Variants in ATP9A observed in about 807,000 individuals in gnomAD.
ATP9A encodes the protein ATPase phospholipid transporting 9A, also known as probable phospholipid-transporting ATPase IIA.
ATP9A carries 52 observed loss-of-function variants against 144.1 expected under a neutral mutation model. That is an observed-to-expected ratio of 0.36 (90% CI 0.29 to 0.45). The LOEUF is 0.45. Ranked by LOEUF, ATP9A falls within the 20% of genes least tolerant of loss-of-function variation. ATP9A has a pLI of 1.00. For missense variants in ATP9A, 947 were observed against 1,392.7 expected (o/e 0.68, Z 5.09); for synonymous variants, 582 against 557.4 (o/e 1.04, Z -0.62).
At position 51,712,978 on chromosome 20, in the gene ATP9A, G is replaced by T; in HGVS notation, c.424C>A (p.Leu142Ile). 6.2e-7 allele frequency: 1 copy of T among 1,610,934 alleles called. No homozygotes were observed. The highest frequency in any genetic ancestry group is 2.2e-5 in the East Asian group (1 of 44,726). The change falls in exon 4 of 28, where the codon CTC (leucine) becomes ATC (isoleucine). Residue 142 changes from leucine to isoleucine, a missense_variant. Coordinates refer to ENST00000338821, the MANE Select transcript of ATP9A (RefSeq NM_006045.3). ...CCAGAAGGCTGACCTCGTGCTGTGA[G>T]CCGGCTGTAGACCTGGGAGTTGACT... ...KEVNSQVYSR[L>I]TARGTVKVKS...
chr20:51,694,423 G>C (rs934078182), intron 6 of ATP9A, among the ~76,000 whole-genome samples: 1 of 152,182 alleles, frequency 6.6e-6, no homozygotes, highest in African/African-American at 2.4e-5. Context: ...GAGATAGAAC[G>C]GGGACGAGCA....
At chr20:51,750,839 A>C (rs1335026328) in intron 1 of ATP9A, among the ~76,000 whole-genome samples, 1 of 152,084 alleles carries the variant, frequency 6.6e-6, no homozygotes, top group Non-Finnish European at 1.5e-5. Flanking sequence ...CTAGGGAGGA[A>C]TCCAAATGGC....
chr20:51,724,396 T>C (rs549849628), intron 3 of ATP9A, among the ~76,000 whole-genome samples: 2 of 152,152 alleles, frequency 1.3e-5, no homozygotes, highest in African/African-American at 4.8e-5. Flanking sequence ...TGCAGGGCCT[T>C]TGCATCACTG....
intron 1 of ATP9A, among the ~76,000 whole-genome samples, chr20:51,737,105 C>G (rs2426398): frequency 0.98 from 148,654 of 152,182 alleles, 72,630 homozygotes; most frequent in East Asian, 1. Flanking sequence ...CTCCTACTAA[C>G]GGGTAGAAGC....
At chr20:51,701,049 T>TCCTTCACCTGAGCTTGCCCCAACTTTC (rs1568826957) in intron 4 of ATP9A, among the ~76,000 whole-genome samples, 1 of 152,166 alleles carries the variant, frequency 6.6e-6, no homozygotes, top group African/African-American at 2.4e-5. Context: ...AATGAACTTT[T>TCCTTCACCTGAGCTTGCCCCAACTTTC]CCTTCACCTG....
chr20:51,741,034 T>TTTAATTAATTAAAAATAAATTTTAA (rs148503718), intron 1 of ATP9A, among the ~76,000 whole-genome samples: 30,693 of 148,236 alleles, frequency 0.21, 3,773 homozygotes, highest in East Asian at 0.42. Context: ...TAAATTTTAA[T>TTTAATTAATTAAAAATAAATTTTAA]TTAATTAATT....
At chr20:51,674,398 A>AG in intron 10 of ATP9A, 85 bp from the exon 11 acceptor site, 1 of 1,439,258 alleles carries the variant, frequency 6.9e-7, no homozygotes, top group Non-Finnish European at 9.5e-7. Flanking sequence ...GGCTGCAGTG[A>AG]GCTGAGCCTC....
At chr20:51,719,867 G>A (rs1223354215) in intron 3 of ATP9A, among the ~76,000 whole-genome samples, 2 of 151,788 alleles carry the variant, frequency 1.3e-5, no homozygotes, top group Non-Finnish European at 2.9e-5. Context: ...GCCAAAAATG[G>A]TGAAACCCCC....
chr20:51,687,872 G>A (rs1437839311), intron 9 of ATP9A, among the ~76,000 whole-genome samples: 1 of 152,156 alleles, frequency 6.6e-6, no homozygotes, highest in African/African-American at 2.4e-5. Context: ...TGTTTGAAGA[G>A]AGGAAAAAAT....
chr20:51,737,842 G>A (rs896234911), intron 1 of ATP9A, among the ~76,000 whole-genome samples: 1 of 152,060 alleles, frequency 6.6e-6, no homozygotes. Flanking sequence ...CCACGGGACA[G>A]GCAGGTAAAA....
chr20:51,759,668 T>C (rs1209781120), intron 1 of ATP9A, among the ~76,000 whole-genome samples: 1 of 151,926 alleles, frequency 6.6e-6, no homozygotes, highest in Non-Finnish European at 1.5e-5. Context: ...AGCAAGATTC[T>C]GTCACAAAAA....
intron 14 of ATP9A, among the ~76,000 whole-genome samples, chr20:51,642,768 G>T (rs1303611967): frequency 8.2e-6 from 1 of 122,620 alleles, no homozygotes; most frequent in East Asian, 2.4e-4. Flanking sequence ...AAAAAAACCT[G>T]GCGTTCCTCT....
At chr20:51,619,663 G>A (rs2122721759) in intron 19 of ATP9A, among the ~76,000 whole-genome samples, 1 of 151,626 alleles carries the variant, frequency 6.6e-6, no homozygotes, top group South Asian at 2.1e-4. Context: ...GAGGTCAGGA[G>A]TTCAAGACCA....
intron 19 of ATP9A, among the ~76,000 whole-genome samples, chr20:51,619,581 G>C (rs1032396894): frequency 2.7e-5 from 4 of 146,202 alleles, no homozygotes; most frequent in African/African-American, 5.0e-5. Flanking sequence ...AAAAAAGGGG[G>C]GGGGGGGCCA....
chr20:51,620,984 T>C (rs1204306210), intron 19 of ATP9A, among the ~76,000 whole-genome samples: 2 of 151,762 alleles, frequency 1.3e-5, no homozygotes, highest in Non-Finnish European at 2.9e-5. Context: ...CCGTCTCTAC[T>C]AAAAACACAA....
At chr20:51,613,585 G>T in intron 23 of ATP9A, 92 bp downstream of exon 23, 1 of 1,289,008 alleles carries the variant, frequency 7.8e-7, no homozygotes. Flanking sequence ...TAATTACATA[G>T]CCACATGTAC....
At chr20:51,765,675 G>A (rs1442429565) in intron 1 of ATP9A, among the ~76,000 whole-genome samples, 3 of 140,864 alleles carry the variant, frequency 2.1e-5, no homozygotes, top group Non-Finnish European at 4.6e-5. Context: ...TTAGTTCCAG[G>A]CCAAGCACGG....
At chr20:51,670,175 G>T in intron 12 of ATP9A, 66 bp from the exon 13 acceptor site, 1 of 1,244,110 alleles carries the variant, frequency 8.0e-7, no homozygotes, top group Non-Finnish European at 1.2e-6. Context: ...TAACAGTAAT[G>T]ACAGCTGCCA....
rs563728110 is a variant in ATP9A, at chr20:51,693,294, G to A, written c.642+714C>T. Among the ~76,000 whole-genome samples, 20 of 152,332 alleles carry A rather than the reference G, an allele frequency of 1.3e-4. No individual in the cohort carries two copies. In the South Asian group the frequency reaches 4.1e-3, roughly 32 times the overall value. Reference sequence around the variant, plus strand: ...AGTGGAGTGCGGAGATGCCCTGCCAGGCAGACTCGCCAGGGATCAGAGGGC... The same window carrying A: ...AGTGGAGTGCGGAGATGCCCTGCCAAGCAGACTCGCCAGGGATCAGAGGGC... On this transcript the variant is annotated intron_variant, in intron 7 of 27. Transcript: ENST00000338821.
Sources: allele counts gnomAD v4.1 joint callset (sites outside exome capture counted in the v4.1 genomes callset), GRCh38; gene constraint gnomAD v4.1.1; transcripts MANE v1.5; gene names NCBI Gene and HGNC (gene_info 2026-07-23, HGNC 2026-07-21).